Variants in SLC25A21 observed in about 807,000 individuals in gnomAD.
SLC25A21 encodes mitochondrial 2-oxodicarboxylate carrier.
SLC25A21 carries 47 observed loss-of-function variants against 43.8 expected under a neutral mutation model. That is an observed-to-expected ratio of 1.07 (90% CI 0.85 to 1.37). The LOEUF (loss-of-function observed/expected upper bound fraction) is 1.37, where lower values mean the gene tolerates loss of function less well. Among genes scored for constraint, SLC25A21 ranks in the 40% most tolerant of loss-of-function variants. The probability of loss-of-function intolerance (pLI) is 0.00; values close to 1 mark genes in which losing one functional copy is unlikely to be tolerated. For missense variants in SLC25A21, 352 were observed against 350.2 expected (o/e 1.00, Z -0.04); for synonymous variants, 131 against 121.3 (o/e 1.08, Z -0.52).
At chr14:37,167,310 A>G (rs1964045998) in intron 1 of SLC25A21, among the ~76,000 whole-genome samples, 1 of 152,172 alleles carries the variant, frequency 6.6e-6, no homozygotes, top group Non-Finnish European at 1.5e-5. Context: ...TCTAAACTTT[A>G]AAGTGCAAAT....
chr14:37,170,104 C>T (rs1429620783), intron 1 of SLC25A21, among the ~76,000 whole-genome samples: 1 of 151,902 alleles, frequency 6.6e-6, no homozygotes, highest in Non-Finnish European at 1.5e-5. Context: ...GGCACGATCT[C>T]GGCTCACTGC....
intron 7 of SLC25A21, among the ~76,000 whole-genome samples, chr14:36,694,099 T>C (rs1298309647): frequency 6.6e-6 from 1 of 151,914 alleles, no homozygotes; most frequent in African/African-American, 2.4e-5. Context: ...TGTGTGATGT[T>C]CCCCGCCCTG....
At chr14:36,841,606 G>C (rs1889385524) in intron 2 of SLC25A21, among the ~76,000 whole-genome samples, 1 of 152,142 alleles carries the variant, frequency 6.6e-6, no homozygotes, top group African/African-American at 2.4e-5. Flanking sequence ...ATTCACAGCT[G>C]TGCTCATTGG....
intron 1 of SLC25A21, among the ~76,000 whole-genome samples, chr14:37,117,825 T>C (rs1428343847): frequency 6.6e-6 from 1 of 151,362 alleles, no homozygotes; most frequent in East Asian, 2.0e-4. Flanking sequence ...AAAAAGTAGT[T>C]ACTGGATACA....
chr14:37,151,019 T>TTCTC (rs367625540), intron 1 of SLC25A21, among the ~76,000 whole-genome samples: 1 of 150,586 alleles, frequency 6.6e-6, no homozygotes, highest in East Asian at 1.9e-4. Context: ...CATTGGTAGG[T>TTCTC]TCTCTCTCTC....
intron 1 of SLC25A21, among the ~76,000 whole-genome samples, chr14:37,060,440 G>A (rs951428538): frequency 4.0e-5 from 6 of 149,304 alleles, no homozygotes; most frequent in Admixed American, 2.7e-4. Flanking sequence ...TAACCCAAGA[G>A]AAGTAGGGCA....
At chr14:36,686,294 A>G (rs1882540693) in intron 7 of SLC25A21, among the ~76,000 whole-genome samples, 1 of 152,230 alleles carries the variant, frequency 6.6e-6, no homozygotes, top group South Asian at 2.1e-4. Context: ...TTCAACAGGA[A>G]AAACAATGCA....
At chr14:37,092,465 C>T (rs1962607011) in intron 1 of SLC25A21, among the ~76,000 whole-genome samples, 2 of 152,080 alleles carry the variant, frequency 1.3e-5, no homozygotes, top group Non-Finnish European at 1.5e-5. Context: ...TTCTGATTTC[C>T]CCCCAGTGTT....
chr14:37,096,168 A>G (rs779678636), intron 1 of SLC25A21, among the ~76,000 whole-genome samples: 85 of 152,292 alleles, frequency 5.6e-4, no homozygotes, highest in Middle Eastern at 3.4e-3. Flanking sequence ...TACAGAGAGG[A>G]AAAAAATACT....
chr14:37,163,143 G>C (rs1963975876), intron 1 of SLC25A21, among the ~76,000 whole-genome samples: 1 of 151,650 alleles, frequency 6.6e-6, no homozygotes, highest in Non-Finnish European at 1.5e-5. Context: ...GACAGTTGTG[G>C]GGTGGGGGGA....
intron 3 of SLC25A21, among the ~76,000 whole-genome samples, chr14:36,741,720 C>T (rs575095334): frequency 6.6e-6 from 1 of 152,330 alleles, no homozygotes; most frequent in East Asian, 1.9e-4. Context: ...AGGATGCTTT[C>T]ACCTGGATCC....
At chr14:37,100,028 ATGTT>A (rs71449968) in intron 1 of SLC25A21, among the ~76,000 whole-genome samples, 49,649 of 147,086 alleles carry the variant, frequency 0.34, 9,266 homozygotes, top group African/African-American at 0.52. Flanking sequence ...CACCACCTCT[ATGTT>A]TGTTTGTTTG....
At chr14:37,016,509 T>C (rs1960859969) in intron 1 of SLC25A21, among the ~76,000 whole-genome samples, 2 of 152,142 alleles carry the variant, frequency 1.3e-5, no homozygotes, top group South Asian at 4.1e-4. Flanking sequence ...TGGCTTAGGA[T>C]TGACTTGGCG....
chr14:36,747,213 T>A (rs1192786695), intron 3 of SLC25A21, among the ~76,000 whole-genome samples: 1 of 152,154 alleles, frequency 6.6e-6, no homozygotes, highest in African/African-American at 2.4e-5. Context: ...TAATCACCAC[T>A]CTCTGGCAGT....
At chr14:36,968,493 G>A (rs781150122) in intron 1 of SLC25A21, among the ~76,000 whole-genome samples, 11 of 152,210 alleles carry the variant, frequency 7.2e-5, no homozygotes, top group Non-Finnish European at 1.5e-4. Context: ...GGAACAGGAA[G>A]TCTTTTCTCT....
rs36001814 is a variant in SLC25A21, at chr14:36,973,019, ATTTATTTTAT to A, written c.71-98025_71-98016del. The stretch of plus-strand genomic sequence containing the variant: ...GGCTAATTTTTATTTTTATTTATTT[ATTTATTTTAT>A]TTTATTTTATTTTATTTTATTTTAT... On this transcript the variant is annotated intron_variant, in intron 1 of 9. Transcript: ENST00000331299. 2.8e-3 allele frequency among the ~76,000 whole-genome samples: 367 copies of A among 128,982 alleles called. 1 individual carries two copies. The highest frequency in any genetic ancestry group is 9.9e-3 in the East Asian group (37 of 3,738). 84.6% of individuals were successfully genotyped at this position (128,982 alleles called of 152,430 possible).
chr14:36,775,984 C>A (rs1040689603), intron 3 of SLC25A21, among the ~76,000 whole-genome samples: 3 of 152,108 alleles, frequency 2.0e-5, no homozygotes, highest in African/African-American at 7.2e-5. Flanking sequence ...GTTACCACCT[C>A]ATTTTTCTAT....
In SLC25A21 at chr14:37,116,130, G is replaced by A. The variant is rs545725677; in HGVS notation, c.70+56151C>T. ...AACTAAAACTTACTAAGCAAGAATA[G>A]TCATAAAATTTAAATCACTCAGCAA... is the stretch of plus-strand genomic sequence containing the variant. On this transcript the variant is annotated intron_variant, in intron 1 of 9. Transcript: ENST00000331299. 9.2e-5 allele frequency among the ~76,000 whole-genome samples: 14 copies of A among 152,128 alleles called. No individual in the cohort carries two copies. In the East Asian group the frequency reaches 2.1e-3, roughly 23 times the overall value.
intron 1 of SLC25A21, among the ~76,000 whole-genome samples, chr14:36,898,650 C>G (rs1015958312): frequency 2.0e-5 from 3 of 152,138 alleles, no homozygotes; most frequent in Admixed American, 2.0e-4. Context: ...TAGACTGGAG[C>G]TGTTCCTATT....
Sources: gnomAD v4.1 joint callset for allele counts (sites outside exome capture counted in the v4.1 genomes callset) on GRCh38, gnomAD v4.1.1 for gene constraint, MANE v1.5 for transcripts, NCBI Gene and HGNC (gene_info 2026-07-23, HGNC 2026-07-21) for gene names.